Variants in CNTN5 observed in about 807,000 individuals in gnomAD.
CNTN5 encodes contactin 5.
In CNTN5, 77 loss-of-function variants were observed where a neutral mutation model predicts 129.1. The ratio of observed to expected loss-of-function variants is 0.60; its 90% CI spans 0.50 to 0.72. The LOEUF is 0.72. CNTN5 is among the 30% of genes least tolerant of loss of function. The pLI is 0.00. For missense variants in CNTN5, 1,478 were observed against 1,328.8 expected, an observed-to-expected ratio of 1.11 and a Z score of -1.75; for synonymous variants, 509 against 465.6, an observed-to-expected ratio of 1.09 and a Z score of -1.20.
intron 3 of CNTN5, among the ~76,000 whole-genome samples, chr11:99,748,704 A>G (rs937190083): frequency 2.6e-5 from 4 of 152,156 alleles, no homozygotes; most frequent in Non-Finnish European, 4.4e-5. Flanking sequence ...ATATTCGAGG[A>G]CAGAAAAAGA....
At chr11:99,484,543 G>A (rs1016392291) in intron 2 of CNTN5, among the ~76,000 whole-genome samples, 1 of 151,956 alleles carries the variant, frequency 6.6e-6, no homozygotes, top group Non-Finnish European at 1.5e-5. Context: ...TTATTCAAAG[G>A]AAAGTAATCA....
chr11:99,339,615 TA>T (rs950900345), intron 2 of CNTN5, among the ~76,000 whole-genome samples: 5 of 151,738 alleles, frequency 3.3e-5, no homozygotes, highest in African/African-American at 9.7e-5. Flanking sequence ...CCGTCTCTAC[TA>T]AAAAAATACA....
At chr11:100,047,044 G>A (rs1212496309) in intron 9 of CNTN5, among the ~76,000 whole-genome samples, 1 of 152,088 alleles carries the variant, frequency 6.6e-6, no homozygotes, top group Non-Finnish European at 1.5e-5. Flanking sequence ...GAATAGAGGA[G>A]TTACACAAAG....
At chr11:99,797,554 T>C (rs1224498058) in intron 3 of CNTN5, among the ~76,000 whole-genome samples, 1 of 152,186 alleles carries the variant, frequency 6.6e-6, no homozygotes, top group Non-Finnish European at 1.5e-5. Flanking sequence ...TTTTTCAGGC[T>C]TCTTGGCCAC....
chr11:99,439,618 G>C (rs1943738556), intron 2 of CNTN5, among the ~76,000 whole-genome samples: 1 of 143,456 alleles, frequency 7.0e-6, no homozygotes, highest in African/African-American at 2.6e-5. Flanking sequence ...TGAGGCAGGA[G>C]AATCGCTTGA....
intron 2 of CNTN5, among the ~76,000 whole-genome samples, chr11:99,394,255 A>T (rs1361062941): frequency 6.6e-6 from 1 of 151,688 alleles, no homozygotes; most frequent in Non-Finnish European, 1.5e-5. Flanking sequence ...GAAATATTTT[A>T]TGTTATGTTT....
chr11:100,072,181 C>T (rs1943947509), intron 12 of CNTN5, among the ~76,000 whole-genome samples: 1 of 152,104 alleles, frequency 6.6e-6, no homozygotes, highest in African/African-American at 2.4e-5. Flanking sequence ...TATAGAATTC[C>T]AGCAGCCTGT....
chr11:99,902,491 T>C (rs1949385702), intron 6 of CNTN5, among the ~76,000 whole-genome samples: 2 of 152,194 alleles, frequency 1.3e-5, no homozygotes, highest in Admixed American at 6.5e-5. Context: ...CAGAAAAAAA[T>C]GTATCACTAG....
At chr11:99,438,525 T>G (rs896233696) in intron 2 of CNTN5, among the ~76,000 whole-genome samples, 1 of 152,132 alleles carries the variant, frequency 6.6e-6, no homozygotes, top group Non-Finnish European at 1.5e-5. Flanking sequence ...TTTTCTCCTA[T>G]CTCTTTATCT....
At chr11:99,399,758 A>G (rs1387888522) in intron 2 of CNTN5, among the ~76,000 whole-genome samples, 3 of 152,042 alleles carry the variant, frequency 2.0e-5, no homozygotes, top group East Asian at 1.9e-4. Context: ...TAGTTGTTCA[A>G]TTATAAAAAA....
intron 1 of CNTN5, among the ~76,000 whole-genome samples, chr11:99,253,882 A>T (rs2135800532): frequency 7.5e-6 from 1 of 133,066 alleles, no homozygotes; most frequent in Admixed American, 7.6e-5. Context: ...AAAATGTATT[A>T]ACACAAATAT....
At chr11:99,840,074 T>C (rs1169913222) in intron 4 of CNTN5, among the ~76,000 whole-genome samples, 1 of 152,048 alleles carries the variant, frequency 6.6e-6, no homozygotes, top group East Asian at 1.9e-4. Flanking sequence ...AAGAATCCTG[T>C]GGGTGTCCAT....
chr11:99,710,950 T>A (rs1436918603), intron 3 of CNTN5, among the ~76,000 whole-genome samples: 2 of 151,962 alleles, frequency 1.3e-5, no homozygotes, highest in Non-Finnish European at 2.9e-5. Context: ...CCCAATTAAA[T>A]TTGATTTTCA....
chr11:99,930,050 C>T (rs932190026), intron 7 of CNTN5, among the ~76,000 whole-genome samples: 5 of 152,094 alleles, frequency 3.3e-5, no homozygotes, highest in African/African-American at 7.2e-5. Flanking sequence ...GTCTTTTCCC[C>T]TTGTCCTTCC....
In CNTN5 at chr11:99,401,981, G is replaced by GT. The variant is rs1202692637; in HGVS notation, c.-71+76503dup. Reference sequence around the variant, plus strand: ...AATAGATTTTTGGTGGAGTCTGTAGGTTTTTTCACGTTTAAGATTGTATTA... The same window carrying GT: ...AATAGATTTTTGGTGGAGTCTGTAGGTTTTTTTCACGTTTAAGATTGTATTA... On this transcript the variant is annotated intron_variant, in intron 2 of 24. Transcript: ENST00000524871. 2.6e-5 allele frequency among the ~76,000 whole-genome samples: 4 copies of GT among 152,162 alleles called. 1 individual carries two copies. The East Asian group carries it at 5.8e-4, about 22-fold the overall frequency.
chr11:100,018,701 C>T (rs1940961673), intron 9 of CNTN5, among the ~76,000 whole-genome samples: 2 of 151,856 alleles, frequency 1.3e-5, no homozygotes, highest in African/African-American at 4.8e-5. Flanking sequence ...AGTGGAATGG[C>T]TAAACGATAT....
chr11:99,475,425 TA>T (rs1380560653), intron 2 of CNTN5, among the ~76,000 whole-genome samples: 1 of 152,144 alleles, frequency 6.6e-6, no homozygotes, highest in Non-Finnish European at 1.5e-5. Context: ...GAAAATGAAA[TA>T]GGAAAACTAC....
chr11:99,769,663 C>T (rs916222633), intron 3 of CNTN5, among the ~76,000 whole-genome samples: 2 of 151,682 alleles, frequency 1.3e-5, no homozygotes, highest in Admixed American at 1.3e-4. Flanking sequence ...ATAGCGAAAC[C>T]CCCAGCCAGG....
chr11:99,027,399 G>A (rs1394727264), intron 1 of CNTN5, among the ~76,000 whole-genome samples: 1 of 151,518 alleles, frequency 6.6e-6, no homozygotes, highest in Non-Finnish European at 1.5e-5. Flanking sequence ...AAAGGTAGTA[G>A]CGATTTTAGA....
Sources: allele counts gnomAD v4.1 joint callset (sites outside exome capture counted in the v4.1 genomes callset), GRCh38; gene constraint gnomAD v4.1.1; transcripts MANE v1.5; gene names NCBI Gene and HGNC (gene_info 2026-07-23, HGNC 2026-07-21).